TRIM55: variants seen among roughly 807,000 people sequenced by gnomAD.
TRIM55 encodes the protein tripartite motif-containing protein 55.
A neutral mutation model predicts 60.9 loss-of-function variants in TRIM55; 50 were observed. That is an observed-to-expected ratio of 0.82 (90% CI 0.65 to 1.04). The LOEUF is 1.04. TRIM55 is among the 50% of genes least tolerant of loss of function. The pLI is 0.00. For synonymous variants in TRIM55, 237 were observed against 238.1 expected (o/e 1.00, Z 0.04); for missense variants, 681 against 666.9 (o/e 1.02, Z -0.23).
chr8:66,167,191 C>T (rs911938059), intron 9 of TRIM55, among the ~76,000 whole-genome samples: 1 of 152,192 alleles, frequency 6.6e-6, no homozygotes, highest in Non-Finnish European at 1.5e-5. Context: ...CCTAGAGTTA[C>T]TTTGAGCAAG....
In TRIM55 at chr8:66,149,754, A is replaced by G. The variant is rs968263820; in HGVS notation, c.713A>G (p.Glu238Gly). 6.2e-7 allele frequency: 1 copy of G among 1,614,090 alleles called. No individual in the cohort carries two copies. Among genetic ancestry groups the G allele is most frequent in the Non-Finnish European group, 8.5e-7 (1 of 1,180,016 alleles). Residue 238 changes from glutamate (E) to glycine (G), a missense_variant, in exon 5 of 10, where the codon GAG (glutamate) becomes GGG (glycine). Glu to Gly is a moderately conservative substitution (Grantham distance 98). Coordinates refer to ENST00000315962, the MANE Select transcript of TRIM55 (RefSeq NM_184085.2). ...ACCCAAGTCATTACCCGAACCCAAG[A>G]GGAGAAACTGGAACATGTCCGTGCT... ...EMTQVITRTQ[E>G]EKLEHVRALI...
chr8:66,122,870 T>TGCCTTCTTTC (rs550456562), upstream of TRIM55, among the ~76,000 whole-genome samples: 2 of 152,234 alleles, frequency 1.3e-5, no homozygotes, highest in Non-Finnish European at 2.9e-5. Context: ...GTATGACAGA[T>TGCCTTCTTTC]AGCAGGCCCT....
chr8:66,149,984 ACCAAC>A, intron 5 of TRIM55, 106 bp downstream of exon 5: 1 of 1,039,850 alleles, frequency 9.6e-7, no homozygotes, highest in Non-Finnish European at 1.4e-6. Flanking sequence ...TATTTATTTT[ACCAAC>A]TAAAATATAA....
chr8:66,144,677 T>G (rs1348201687), intron 4 of TRIM55, among the ~76,000 whole-genome samples: 2 of 152,180 alleles, frequency 1.3e-5, no homozygotes, highest in African/African-American at 4.8e-5. Context: ...TGAATTACTG[T>G]CCAGAGAAGA....
At chr8:66,172,391 C>A (rs1459781935) in intron 9 of TRIM55, among the ~76,000 whole-genome samples, 3 of 152,170 alleles carry the variant, frequency 2.0e-5, no homozygotes, top group Non-Finnish European at 4.4e-5. Flanking sequence ...TCTAAAGATA[C>A]TCAGGATAAC....
At chr8:66,143,585 T>G (rs1043956380) in intron 4 of TRIM55, among the ~76,000 whole-genome samples, 1 of 151,710 alleles carries the variant, frequency 6.6e-6, no homozygotes, top group Non-Finnish European at 1.5e-5. Flanking sequence ...TTTTTGGGTT[T>G]TTTTTTTTTT....
chr8:66,159,705 T>C (rs1175205752), intron 9 of TRIM55, among the ~76,000 whole-genome samples: 1 of 152,228 alleles, frequency 6.6e-6, no homozygotes, highest in Non-Finnish European at 1.5e-5. Flanking sequence ...CTCATGGTAT[T>C]GTGTCAATCT....
upstream of TRIM55, among the ~76,000 whole-genome samples, chr8:66,124,803 C>G (rs866809806): frequency 6.6e-6 from 1 of 152,160 alleles, no homozygotes; most frequent in East Asian, 1.9e-4. Flanking sequence ...ATATCTTTAC[C>G]CTAAAACAGT....
At chr8:66,140,071 T>C (rs1354378403) in intron 4 of TRIM55, among the ~76,000 whole-genome samples, 1 of 152,244 alleles carries the variant, frequency 6.6e-6, no homozygotes, top group Non-Finnish European at 1.5e-5. Flanking sequence ...GTTTGTGTCC[T>C]AGGAGCAATA....
At chr8:66,158,863 C>A (rs548404485) in intron 9 of TRIM55, among the ~76,000 whole-genome samples, 1 of 152,194 alleles carries the variant, frequency 6.6e-6, no homozygotes, top group Non-Finnish European at 1.5e-5. Flanking sequence ...GCTGCTATTA[C>A]CTCCTTCAGA....
chr8:66,164,284 C>T (rs922388412), intron 9 of TRIM55, among the ~76,000 whole-genome samples: 31 of 152,184 alleles, frequency 2.0e-4, no homozygotes, highest in Admixed American at 1.1e-3. Context: ...AAGACTGGGA[C>T]GGTTGAGGTG....
At chr8:66,114,630 G>T in the TRIM55 span, 11 of 456,226 alleles carry the variant, frequency 2.4e-5, no homozygotes, top group African/African-American at 4.0e-5. Context: ...AAGAAACAGA[G>T]AACTTGGAAA....
intron 9 of TRIM55, among the ~76,000 whole-genome samples, chr8:66,170,051 G>A (rs148945550): frequency 1.3e-5 from 2 of 152,130 alleles, no homozygotes; most frequent in Middle Eastern, 3.4e-3. Flanking sequence ...AGCAGGCCAG[G>A]TAACAGAAAA....
chr8:66,166,417 A>G (rs1285134971), intron 9 of TRIM55, among the ~76,000 whole-genome samples: 1 of 152,182 alleles, frequency 6.6e-6, no homozygotes, highest in Non-Finnish European at 1.5e-5. Context: ...GATTTAACCT[A>G]AGACTTTTGT....
intron 3 of TRIM55, among the ~76,000 whole-genome samples, chr8:66,136,180 G>T (rs190948998): frequency 6.6e-6 from 1 of 152,080 alleles, no homozygotes; most frequent in East Asian, 1.9e-4. Flanking sequence ...CCAAAGCATA[G>T]CATAATAGAA....
chr8:66,174,077 T>C (rs1442586051), intron 9 of TRIM55, among the ~76,000 whole-genome samples: 1 of 152,054 alleles, frequency 6.6e-6, no homozygotes, highest in African/African-American at 2.4e-5. Context: ...CATTTAAATT[T>C]GGAATTTTTT....
intron 9 of TRIM55, among the ~76,000 whole-genome samples, chr8:66,160,603 T>A (rs1253598956): frequency 6.6e-6 from 1 of 152,186 alleles, no homozygotes; most frequent in Non-Finnish European, 1.5e-5. Flanking sequence ...CTCCAAACTG[T>A]TTTCCATAGT....
chr8:66,168,003 G>C (rs539289347), intron 9 of TRIM55, among the ~76,000 whole-genome samples: 6 of 152,292 alleles, frequency 3.9e-5, no homozygotes, highest in African/African-American at 1.4e-4. Context: ...TCCTGCCTCA[G>C]CTTGCCAAAG....
chr8:66,126,292 GA>G (rs1369706761), upstream of TRIM55, among the ~76,000 whole-genome samples: 2 of 152,178 alleles, frequency 1.3e-5, no homozygotes, highest in African/African-American at 4.8e-5. Context: ...CCTCATTACA[GA>G]TTATTGTTGC....
Sources: gnomAD v4.1 joint callset for allele counts (sites outside exome capture counted in the v4.1 genomes callset) on GRCh38, gnomAD v4.1.1 for gene constraint, MANE v1.5 for transcripts, NCBI Gene and HGNC (gene_info 2026-07-23, HGNC 2026-07-21) for gene names.